Variants in CBARP observed in about 807,000 individuals in gnomAD.
The protein encoded by CBARP is voltage-dependent calcium channel beta subunit-associated regulatory protein.
A neutral mutation model predicts 36.3 loss-of-function variants in CBARP; 24 were observed. That is an observed-to-expected ratio of 0.66 (90% CI 0.48 to 0.93). The LOEUF (loss-of-function observed/expected upper bound fraction) is 0.93. Ranked by LOEUF, CBARP falls within the 40% of genes least tolerant of loss-of-function variation. The probability of loss-of-function intolerance (pLI) is 0.00; values close to 1 mark genes in which losing one functional copy is unlikely to be tolerated. For missense variants in CBARP, 1,146 were observed against 980.4 expected (o/e 1.17, Z -2.26); for synonymous variants, 586 against 453.2 (o/e 1.29, Z -3.72).
At position 1,231,129 on chromosome 19, in the gene CBARP, G is replaced by A; in HGVS notation, c.1126C>T (p.Leu376=). 2.5e-6 allele frequency: 4 copies of A among 1,600,454 alleles called. No homozygotes were observed. Among genetic ancestry groups the A allele is most frequent in the Non-Finnish European group, 3.4e-6 (4 of 1,173,098 alleles). ...AVAFPHPRPF[L]ASPPPALGRL... Reference sequence around the variant, plus strand: ...CCGAGAGCAGGGGGCGGGCTGGCCAGAAAGGGGCGGGGGTGCGGGAAGGCC... The same window carrying A: ...CCGAGAGCAGGGGGCGGGCTGGCCAAAAAGGGGCGGGGGTGCGGGAAGGCC... The change falls in exon 9 of 10, where the codon CTG becomes TTG. Residue 376 remains leucine (L), a synonymous_variant. Transcript: ENST00000650044.
rs2080998213 is a variant in CBARP at position 1,237,910 on chromosome 19, CCGCGCACGTGACCGCGTTGGCGG to C, written c.-199_-177del. 6.8e-6 allele frequency: 1 copy of C among 147,208 alleles called. No individual in the cohort carries two copies. 9.1% of individuals were successfully genotyped at this position (147,208 alleles called of 1,614,324 possible). ...GGGGAGGCCGGCGCGAGAGGAGGGG[CCGCGCACGTGACCGCGTTGGCGG>C]CGCGCCCGCTCCGCGCGCCCGGTGC... On this transcript the variant is annotated 5_prime_UTR_variant, in exon 1 of 10. Transcript: ENST00000650044.
chr19:1,231,429 C>T (rs1419528710), intron 8 of CBARP, among the ~76,000 whole-genome samples, 154 bp from the exon 9 acceptor site: 2 of 129,402 alleles, frequency 1.5e-5, no homozygotes, highest in South Asian at 2.7e-4. Flanking sequence ...ACACACACAA[C>T]GTGTGCCCCC....
intron 4 of CBARP, 105 bp downstream of exon 4, chr19:1,235,396 G>A: frequency 7.8e-7 from 1 of 1,276,934 alleles, no homozygotes; most frequent in South Asian, 1.5e-5. Context: ...CCAGTCTGGT[G>A]GGGGAGACAG....
chr19:1,233,941 G>C (rs1255491288), intron 7 of CBARP, among the ~76,000 whole-genome samples: 3 of 152,182 alleles, frequency 2.0e-5, no homozygotes, highest in Non-Finnish European at 2.9e-5. Flanking sequence ...CAGGGGTGGC[G>C]CACCCTCTCC....
chr19:1,235,209 G>C, intron 4 of CBARP, 64 bp from the exon 5 acceptor site: 1 of 1,405,036 alleles, frequency 7.1e-7, no homozygotes, highest in South Asian at 1.5e-5. Flanking sequence ...GGTCCCGGGA[G>C]GGCTGCTCCT....
In CBARP at chr19:1,237,530, C is replaced by T. The variant is rs925452301; in HGVS notation, c.-22+226G>A. Among the ~76,000 whole-genome samples, 5 of 152,026 alleles carry T rather than the reference C, an allele frequency of 3.3e-5. No individual in the cohort carries two copies. In the South Asian group the frequency reaches 1.0e-3, roughly 31 times the overall value. On this transcript the variant is annotated intron_variant, in intron 1 of 9. Coordinates refer to ENST00000650044, the MANE Select transcript of CBARP (RefSeq NM_001393918.1). ...ACCCGACGCCAGGGCTGAGCCGAGA[C>T]GCCATCGTCCTCGCCCGACCTCACA...
chr19:1,233,423 C>T lies in CBARP; in HGVS notation c.979+3G>A. 6.3e-7 allele frequency: 1 copy of T among 1,583,360 alleles called. No homozygotes were observed. Among genetic ancestry groups the T allele is most frequent in the Non-Finnish European group, 8.6e-7 (1 of 1,164,496 alleles). On this transcript the variant is annotated splice_donor_region_variant and intron_variant, in intron 8 of 9. Transcript: ENST00000650044. The stretch of plus-strand genomic sequence containing the variant: ...CCACTCTCCACCAGGTGCTACAGCT[C>T]ACCTCTCGTGTCCAGACTGGCTGCC...
At position 1,231,223 on chromosome 19, in the gene CBARP, C is replaced by T. The variant is rs144889893; in HGVS notation, c.1032G>A (p.Thr344=). 1.3e-4 allele frequency: 204 copies of T among 1,602,972 alleles called. No homozygotes were observed. Among genetic ancestry groups the T allele is most frequent in the Admixed American group, 2.3e-4 (14 of 59,960 alleles). ...FQRQRAASES[T]EQEEGDAPQE... ...GGGGGGCATCCCCCTCCTCCTGCTC[C>T]GTGCTCTCACTGGCTGCCCGCTGCC... is the stretch of plus-strand genomic sequence containing the variant. The change falls in exon 9 of 10, where the codon ACG becomes ACA. Residue 344 remains threonine, a synonymous_variant. Coordinates refer to ENST00000650044, the MANE Select transcript of CBARP (RefSeq NM_001393918.1).
chr19:1,231,399 C>T (rs551244198), intron 8 of CBARP, 124 bp from the exon 9 acceptor site: 19 of 1,359,270 alleles, frequency 1.4e-5, no homozygotes, highest in Non-Finnish European at 1.6e-5. Context: ...CCACACACAA[C>T]GCCTGTGGAC....
rs779237736 is a variant in CBARP at position 1,231,172 on chromosome 19, G to A, written c.1083C>T (p.Ala361=). Residue 361 remains alanine, a synonymous_variant, in exon 9 of 10, where the codon GCC becomes GCT. Transcript: ENST00000650044. ...APQEDFIQYI[A]RAGDAVAFPH... ...GGAAGGCCACGGCGTCGCCCGCCCGGGCAATGTACTGGATGAAGTCCTCCT... is the reference window on the plus strand; with the variant it reads ...GGAAGGCCACGGCGTCGCCCGCCCGAGCAATGTACTGGATGAAGTCCTCCT... 7 of 1,602,298 alleles carry A rather than the reference G, an allele frequency of 4.4e-6. No homozygotes were observed. Among genetic ancestry groups the A allele is most frequent in the Admixed American group, 1.7e-5 (1 of 59,734 alleles).
In CBARP at chr19:1,229,396, G is replaced by T. The variant is rs1324121530; in HGVS notation, c.1901C>A (p.Ala634Asp). 14 of 1,099,560 alleles carry T rather than the reference G, an allele frequency of 1.3e-5. No individual in the cohort carries two copies. Among genetic ancestry groups the T allele is most frequent in the Non-Finnish European group, 1.6e-5 (14 of 891,030 alleles). The allele number at this position is 1,099,560 out of a possible 1,614,324, so 68.1% of individuals were successfully genotyped here. A position where few individuals can be genotyped will look rare whatever the true frequency, so the allele number is the denominator to read the frequency against. ...GACGGGGATGGCGGGGTCGTCGCCG[G>T]CGCCGCCCAGGGTGCGACCGTCGGG... Reference protein sequence around the residue: ...GPPDGRTLGGAGDDPAIPVIE... With the variant: ...GPPDGRTLGGDGDDPAIPVIE... The change falls in exon 10 of 10, where the codon GCC (alanine) becomes GAC (aspartate). Residue 634 changes from alanine to aspartate, a missense_variant. Transcript: ENST00000650044. The surrounding 1 kb of genome is among the most constrained non-coding windows in gnomAD (Gnocchi z 5.1).
chr19:1,235,858 C>A lies in CBARP; in HGVS notation c.166G>T (p.Val56Leu). The part of the protein sequence containing the change: ...VLLVVVMSLF[V>L]GGTLVVLSGV... ...GACAACACCACCAGCGTGCCCCCCACGAACAGCGACATCACCACCACCAGC... is the reference window on the plus strand; with the variant it reads ...GACAACACCACCAGCGTGCCCCCCAAGAACAGCGACATCACCACCACCAGC... Residue 56 changes from valine to leucine, a missense_variant, in exon 3 of 10, where the codon GTG becomes TTG. By Grantham distance (32) the Val-to-Leu change is conservative (BLOSUM62 1). Coordinates refer to ENST00000650044, the MANE Select transcript of CBARP (RefSeq NM_001393918.1). The A allele has an allele frequency of 1.2e-6, 2 of 1,612,052 alleles. No homozygotes were observed. The highest frequency in any genetic ancestry group is 1.1e-5 in the South Asian group (1 of 91,090).
rs774799579 is a variant in CBARP at position 1,234,272 on chromosome 19, G to A, written c.687C>T (p.Asp229=). The A allele has an allele frequency of 3.4e-6, 5 of 1,459,068 alleles. No homozygotes were observed. Among genetic ancestry groups the A allele is most frequent in the Middle Eastern group, 1.8e-4 (1 of 5,446 alleles). The allele number at this position is 1,459,068 out of a possible 1,614,324, so 90.4% of individuals were successfully genotyped here. A position where few individuals can be genotyped will look rare whatever the true frequency, so the allele number is the denominator to read the frequency against. The change falls in exon 7 of 10, where the codon GAC becomes GAT. Residue 229 remains aspartate (D), a synonymous_variant. Coordinates refer to ENST00000650044, the MANE Select transcript of CBARP (RefSeq NM_001393918.1). ...TGGCGCCCGCGGCTGAGTTGTAGGGGTCACCTGGCAGGGCGGAGCTGGGGC... is the reference window on the plus strand; with the variant it reads ...TGGCGCCCGCGGCTGAGTTGTAGGGATCACCTGGCAGGGCGGAGCTGGGGC... ...SVGPSSALPG[D]PYNSAAGATD...
Position 1,231,265 on chromosome 19 carries a change from C to T in CBARP, c.990G>A (p.Lys330=). 2 of 1,600,702 alleles carry T rather than the reference C, an allele frequency of 1.2e-6. No individual in the cohort carries two copies. Among genetic ancestry groups the T allele is most frequent in the Non-Finnish European group, 1.7e-6 (2 of 1,179,474 alleles). The change falls in exon 9 of 10, where the codon AAG becomes AAA. Residue 330 remains lysine, a synonymous_variant. Transcript: ENST00000650044. The stretch of plus-strand genomic sequence containing the variant: ...CCCGCTGCCGCTGGAAGTGGTGCCG[C>T]TTGGGGGAACCTGCGCACGGGATGT... ...AASLDTRGSP[K]RHHFQRQRAA...
Position 1,234,322 on chromosome 19 carries a change from T to G in CBARP, c.637A>C (p.Lys213Gln). ...CCCACAGAGCGGCCGGTGAGGGCCT[T>G]CCCCGGGGGCTGTGGGACAGAGCCA... ...ATLAIFQPPG[K>Q]ALTGRSVGPS... Residue 213 changes from lysine (K) to glutamine (Q), a missense_variant, in exon 7 of 10, where the codon AAG (lysine) becomes CAG (glutamine). Physicochemically the swap from Lys to Gln is moderately conservative, Grantham distance 53. Coordinates refer to ENST00000650044, the MANE Select transcript of CBARP (RefSeq NM_001393918.1). 3 of 1,442,638 alleles carry G rather than the reference T, an allele frequency of 2.1e-6. No homozygotes were observed. Among genetic ancestry groups the G allele is most frequent in the Non-Finnish European group, 2.7e-6 (3 of 1,095,348 alleles). 89.4% of individuals were successfully genotyped at this position (1,442,638 alleles called of 1,614,324 possible).
chr19:1,229,959 C>A lies in CBARP; in HGVS notation c.1338G>T (p.Leu446=), dbSNP rs1010598120. The A allele has an allele frequency of 8.3e-7, 1 of 1,206,778 alleles. No individual in the cohort carries two copies. Among genetic ancestry groups the A allele is most frequent in the Admixed American group, 3.1e-5 (1 of 32,368 alleles). The allele number at this position is 1,206,778 out of a possible 1,614,324, so 74.8% of individuals were successfully genotyped here. A position where few individuals can be genotyped will look rare whatever the true frequency, so the allele number is the denominator to read the frequency against. ...TGCTGTGGTCCGAGGCGGCCGCATG[C>A]AGCTCAAGCGAGGCGCGCAGGCTCC... ...DLWSLRASLE[L]HAAASDHSSS... The change falls in exon 10 of 10, where the codon CTG becomes CTT. Residue 446 remains leucine, a synonymous_variant. Coordinates refer to ENST00000650044, the MANE Select transcript of CBARP (RefSeq NM_001393918.1). The surrounding 1 kb of genome is among the most constrained non-coding windows in gnomAD (Gnocchi z 5.1).
chr19:1,230,797 C>T, intron 9 of CBARP: 5 of 1,425,636 alleles, frequency 3.5e-6, no homozygotes, highest in South Asian at 1.6e-5. Flanking sequence ...GGGCCTGGGA[C>T]CACAGCAGAA....
In CBARP at chr19:1,229,597, G is replaced by T; in HGVS notation, c.1700C>A (p.Ala567Glu). The change falls in exon 10 of 10, where the codon GCG (alanine) becomes GAG (glutamate). Residue 567 changes from alanine (A) to glutamate (E), a missense_variant. Coordinates refer to ENST00000650044, the MANE Select transcript of CBARP (RefSeq NM_001393918.1). This position sits in a 1 kb window ranked among gnomAD's most constrained non-coding sequence, Gnocchi z 5.1. ...DPHFDDTPAA[A>E]RHRARAHPHA... ...CGGGTGCGCGCGGGCGCGGTGTCGC[G>T]CGGCAGCCGGCGTGTCGTCGAAGTG... 8.4e-7 allele frequency: 1 copy of T among 1,193,438 alleles called. No homozygotes were observed. Among genetic ancestry groups the T allele is most frequent in the Admixed American group, 3.6e-5 (1 of 27,852 alleles). 73.9% of individuals were successfully genotyped at this position (1,193,438 alleles called of 1,614,324 possible). A position where few individuals can be genotyped will look rare whatever the true frequency, so the allele number is the denominator to read the frequency against.
chr19:1,238,054 G>A (rs2145465087), upstream of CBARP: 1 of 147,730 alleles, frequency 6.8e-6, no homozygotes, highest in Admixed American at 6.7e-5. Flanking sequence ...CGGCGGGGCG[G>A]GGGGCGGAGC....
Sources: gnomAD v4.1 joint callset for allele counts (sites outside exome capture counted in the v4.1 genomes callset) on GRCh38, gnomAD v4.1.1 for gene constraint, Gnocchi (gnomAD v3.1) non-coding constraint, MANE v1.5 for transcripts, NCBI Gene and HGNC (gene_info 2026-07-23, HGNC 2026-07-21) for gene names.